Variants in ZEB1 observed in about 807,000 individuals in gnomAD.
ZEB1 encodes the protein zinc finger E-box binding homeobox 1.
A neutral mutation model predicts 84.9 loss-of-function variants in ZEB1; 21 were observed. The observed-to-expected ratio is 0.25, with a 90% CI of 0.18 to 0.36. The LOEUF (loss-of-function observed/expected upper bound fraction) is 0.36. Ranked by LOEUF, ZEB1 falls within the 10% of genes least tolerant of loss-of-function variation. ZEB1 has a pLI of 1.00. For synonymous variants in ZEB1, 420 were observed against 471.1 expected, an observed-to-expected ratio of 0.89 and a Z score of 1.41; for missense variants, 1,104 against 1,330.2, an observed-to-expected ratio of 0.83 and a Z score of 2.65.
chr10:31,495,677 T>C, intron 2 of ZEB1, 99 bp from the exon 3 acceptor site: 1 of 1,192,868 alleles, frequency 8.4e-7, no homozygotes, highest in Non-Finnish European at 1.3e-6. Flanking sequence ...TGTGTAATGA[T>C]CAGATCAGAG....
rs753318364 is a variant in ZEB1 at position 31,502,331 on chromosome 10, G to T, written c.323-17G>T. On this transcript the variant is annotated splice_polypyrimidine_tract_variant and intron_variant, in intron 3 of 8. Transcript: ENST00000424869. ...TAGTGGTGAGATTGCTGTCTTAAAA[G>T]TATGCATTTTTTTTAGTAAAAGATG... The T allele has an allele frequency of 6.2e-7, 1 of 1,613,068 alleles. No individual in the cohort carries two copies. Among genetic ancestry groups the T allele is most frequent in the Non-Finnish European group, 8.5e-7 (1 of 1,179,364 alleles).
intron 1 of ZEB1, among the ~76,000 whole-genome samples, chr10:31,390,609 C>G (rs1240580702): frequency 1.3e-5 from 2 of 152,170 alleles, no homozygotes; most frequent in East Asian, 3.9e-4. Flanking sequence ...ACAGTAACCA[C>G]AGCAGTTTTC....
At chr10:31,381,378 T>C (rs2047601325) in intron 1 of ZEB1, among the ~76,000 whole-genome samples, 1 of 152,204 alleles carries the variant, frequency 6.6e-6, no homozygotes, top group Non-Finnish European at 1.5e-5. Flanking sequence ...AACGATGTAA[T>C]ATCTAGCAAT....
chr10:31,369,067 G>A (rs1466744892), intron 1 of ZEB1, among the ~76,000 whole-genome samples: 1 of 151,984 alleles, frequency 6.6e-6, no homozygotes, highest in Non-Finnish European at 1.5e-5. Context: ...TTAATCTCCT[G>A]TTTATTTTTC....
At chr10:31,365,091 C>G (rs2044204211) in intron 1 of ZEB1, among the ~76,000 whole-genome samples, 1 of 152,204 alleles carries the variant, frequency 6.6e-6, no homozygotes, top group African/African-American at 2.4e-5. Context: ...TGTTATAGAT[C>G]AGCTTTGGTC....
chr10:31,498,819 A>G (rs1473526965), intron 3 of ZEB1, among the ~76,000 whole-genome samples: 1 of 151,986 alleles, frequency 6.6e-6, no homozygotes, highest in African/African-American at 2.4e-5. Context: ...TTTTGAGCTC[A>G]TATTTCCATT....
At chr10:31,321,497 G>C (rs1054701043) in intron 1 of ZEB1, 5 of 1,613,896 alleles carry the variant, frequency 3.1e-6, no homozygotes, top group African/African-American at 1.3e-5. Flanking sequence ...TCCATATTGA[G>C]CTGTTGCCGC....
intron 6 of ZEB1, among the ~76,000 whole-genome samples, chr10:31,519,030 T>C (rs535282868): frequency 6.6e-6 from 1 of 152,274 alleles, no homozygotes; most frequent in Admixed American, 6.5e-5. Context: ...GAGTTTTATT[T>C]TGATACTAAG....
At chr10:31,471,946 T>G (rs981361631) in intron 2 of ZEB1, among the ~76,000 whole-genome samples, 1 of 138,748 alleles carries the variant, frequency 7.2e-6, no homozygotes, top group Non-Finnish European at 1.5e-5. Context: ...CTGAACAACC[T>G]GCTCCTGAAT....
intron 1 of ZEB1, chr10:31,361,076 C>G (rs2042968558): frequency 3.7e-6 from 6 of 1,611,710 alleles, no homozygotes; most frequent in Admixed American, 3.3e-5. Flanking sequence ...CTTCTTTTCT[C>G]TAAGACTTAC....
intron 1 of ZEB1, among the ~76,000 whole-genome samples, chr10:31,444,866 C>T (rs1374115988): frequency 6.6e-6 from 1 of 151,822 alleles, no homozygotes; most frequent in South Asian, 2.1e-4. Context: ...CAGCTTTGTT[C>T]TTTTGGCTTA....
At chr10:31,336,852 A>G (rs2038191728) in intron 1 of ZEB1, among the ~76,000 whole-genome samples, 1 of 152,188 alleles carries the variant, frequency 6.6e-6, no homozygotes, top group Non-Finnish European at 1.5e-5. Context: ...ACATGGAACA[A>G]CTGAACACTT....
chr10:31,333,689 A>G (rs1027213257), intron 1 of ZEB1, among the ~76,000 whole-genome samples: 1 of 152,116 alleles, frequency 6.6e-6, no homozygotes, highest in African/African-American at 2.4e-5. Flanking sequence ...ACAAAAGTAC[A>G]TAGCAGCAAT....
chr10:31,462,699 AC>A (rs1056229921), intron 2 of ZEB1, among the ~76,000 whole-genome samples: 6 of 152,210 alleles, frequency 3.9e-5, no homozygotes, highest in African/African-American at 1.4e-4. Flanking sequence ...TGATTTGTGT[AC>A]TATGTCAAGG....
chr10:31,422,142 CAA>C (rs2056266474), intron 1 of ZEB1, among the ~76,000 whole-genome samples: 2 of 152,138 alleles, frequency 1.3e-5, no homozygotes, highest in Admixed American at 6.6e-5. Context: ...ACCAGTCTTT[CAA>C]ATAGATGTTT....
intron 1 of ZEB1, among the ~76,000 whole-genome samples, chr10:31,346,559 TAG>T (rs2040345708): frequency 6.7e-6 from 1 of 150,172 alleles, no homozygotes; most frequent in South Asian, 2.1e-4. Context: ...CTTTTGCACG[TAG>T]AGTTTTTTTT....
intron 1 of ZEB1, among the ~76,000 whole-genome samples, chr10:31,444,758 G>T (rs1032832977): frequency 1.1e-4 from 17 of 151,884 alleles, no homozygotes; most frequent in African/African-American, 2.9e-4. Context: ...GCTCTGTTCT[G>T]TTCCATTGAT....
chr10:31,328,994 G>GGTGT (rs369444605), intron 1 of ZEB1, among the ~76,000 whole-genome samples: 43 of 149,548 alleles, frequency 2.9e-4, no homozygotes, highest in Admixed American at 6.7e-4. Context: ...ACCATACCCT[G>GGTGT]GTGTGTGTGT....
intron 4 of ZEB1, among the ~76,000 whole-genome samples, chr10:31,504,358 C>T (rs371505009): frequency 6.6e-6 from 1 of 151,820 alleles, no homozygotes; most frequent in Non-Finnish European, 1.5e-5. Context: ...CCTTACTGTA[C>T]CTTGTATTAT....
Sources: gnomAD v4.1 joint callset for allele counts (sites outside exome capture counted in the v4.1 genomes callset) on GRCh38, gnomAD v4.1.1 for gene constraint, MANE v1.5 for transcripts, NCBI Gene and HGNC (gene_info 2026-07-23, HGNC 2026-07-21) for gene names.